The following TRIM33 variants were observed in gnomAD, a reference collection of about 807,000 sequenced individuals.
TRIM33 encodes the protein E3 ubiquitin-protein ligase TRIM33.
In TRIM33, 20 loss-of-function variants were observed where a neutral mutation model predicts 125.4. The ratio of observed to expected loss-of-function variants is 0.16; its 90% CI spans 0.11 to 0.23. TRIM33 has a LOEUF of 0.23. TRIM33 is among the 10% of genes least tolerant of loss of function. The pLI, the probability that TRIM33 is intolerant of heterozygous loss-of-function variation, is 1.00. For missense variants in TRIM33, 920 were observed against 1,411.4 expected (o/e 0.65, Z 5.58); for synonymous variants, 564 against 513.9 (o/e 1.10, Z -1.32).
At position 114,397,731 on chromosome 1, in the gene TRIM33, C is replaced by G; in HGVS notation, c.3301G>C (p.Val1101Leu). ...AAGTCTTCATCAGAGTCCTCAGTTA[C>G]CTCACCATCATCCTCTTCCTGCTCA... is the stretch of plus-strand genomic sequence containing the variant. ...EFEQEEDDGE[V>L]TEDSDEDFIQ... Residue 1101 changes from valine to leucine, a missense_variant, in exon 20 of 20, where the codon GTA (valine) becomes CTA (leucine). Val to Leu is a conservative substitution (Grantham distance 32). Transcript: ENST00000358465. 1 of 1,612,946 alleles carries G rather than the reference C, an allele frequency of 6.2e-7. No individual in the cohort carries two copies. Among genetic ancestry groups the G allele is most frequent in the Non-Finnish European group, 8.5e-7 (1 of 1,179,670 alleles).
intron 1 of TRIM33, among the ~76,000 whole-genome samples, chr1:114,475,648 C>G (rs942015810): frequency 6.6e-6 from 1 of 152,096 alleles, no homozygotes; most frequent in Non-Finnish European, 1.5e-5. Context: ...CGCCACTGCA[C>G]TCCAGCCTGG....
intron 4 of TRIM33, chr1:114,460,091 A>T (rs1396464771): frequency 6.1e-6 from 1 of 163,532 alleles, no homozygotes; most frequent in Non-Finnish European, 1.4e-5. Flanking sequence ...CAAAAGGATG[A>T]TAAATTTCAG....
At chr1:114,419,200 CAAAAAAA>C (rs35757503) in intron 11 of TRIM33, among the ~76,000 whole-genome samples, 22 of 54,328 alleles carry the variant, frequency 4.0e-4, no homozygotes, top group South Asian at 2.5e-3. Context: ...GACACCATCT[CAAAAAAA>C]AAAAAAAAAA....
intron 1 of TRIM33, among the ~76,000 whole-genome samples, chr1:114,501,298 T>C (rs905393204): frequency 6.6e-6 from 1 of 151,918 alleles, no homozygotes; most frequent in African/African-American, 2.4e-5. Flanking sequence ...AGGACTGCAG[T>C]CATCTGAAAG....
intron 4 of TRIM33, among the ~76,000 whole-genome samples, chr1:114,446,750 T>A (rs914423160): frequency 2.0e-5 from 3 of 152,084 alleles, no homozygotes; most frequent in African/African-American, 7.2e-5. Context: ...GATTATACAT[T>A]CCAATTAAAA....
intron 1 of TRIM33, among the ~76,000 whole-genome samples, chr1:114,506,864 G>A (rs1653034460): frequency 1.3e-5 from 2 of 152,070 alleles, no homozygotes; most frequent in African/African-American, 4.8e-5. Context: ...CTCAAAGTGT[G>A]GTGGTACCAC....
chr1:114,426,809 T>C (rs569653289), intron 8 of TRIM33, among the ~76,000 whole-genome samples: 5 of 152,354 alleles, frequency 3.3e-5, no homozygotes, highest in Admixed American at 2.6e-4. Flanking sequence ...TAAAAGTCTG[T>C]TGCTAATGCA....
At chr1:114,450,597 T>C (rs1192128760) in intron 4 of TRIM33, among the ~76,000 whole-genome samples, 2 of 152,180 alleles carry the variant, frequency 1.3e-5, no homozygotes, top group East Asian at 3.9e-4. Flanking sequence ...TTCACCATGT[T>C]GCCCAGGCTG....
chr1:114,447,575 A>G (rs1649063168), intron 4 of TRIM33, among the ~76,000 whole-genome samples: 1 of 152,248 alleles, frequency 6.6e-6, no homozygotes, highest in Non-Finnish European at 1.5e-5. Context: ...ACAATGAGCT[A>G]GAAATATAAA....
At chr1:114,477,292 A>G (rs761707258) in intron 1 of TRIM33, among the ~76,000 whole-genome samples, 4 of 152,132 alleles carry the variant, frequency 2.6e-5, no homozygotes, top group Non-Finnish European at 4.4e-5. Context: ...CCTAAATATG[A>G]AAGAATCATT....
chr1:114,429,266 C>T (rs1234050725), intron 6 of TRIM33, among the ~76,000 whole-genome samples: 1 of 151,986 alleles, frequency 6.6e-6, no homozygotes, highest in African/African-American at 2.4e-5. Context: ...TGCCTCACCG[C>T]AACCTCCACC....
chr1:114,447,865 T>G (rs942399390), intron 4 of TRIM33, among the ~76,000 whole-genome samples: 6 of 152,186 alleles, frequency 3.9e-5, no homozygotes, highest in Non-Finnish European at 1.5e-5. Context: ...AATTTAGTCA[T>G]GTAGTGGTTA....
At chr1:114,436,157 C>G (rs1033715930) in intron 4 of TRIM33, among the ~76,000 whole-genome samples, 1 of 151,472 alleles carries the variant, frequency 6.6e-6, no homozygotes, top group Non-Finnish European at 1.5e-5. Flanking sequence ...AATCCCAGCA[C>G]TTTGGAAGGC....
intron 1 of TRIM33, among the ~76,000 whole-genome samples, chr1:114,477,215 T>C (rs970177998): frequency 6.6e-6 from 1 of 152,010 alleles, no homozygotes; most frequent in African/African-American, 2.4e-5. Context: ...TATAAACAGA[T>C]GTTAAAGTGG....
Position 114,427,811 on chromosome 1 carries a change from C to G in TRIM33, c.1239G>C (p.Met413Ile). The G allele has an allele frequency of 1.2e-6, 2 of 1,613,982 alleles. No individual in the cohort carries two copies. Among genetic ancestry groups the G allele is most frequent in the Non-Finnish European group, 1.7e-6 (2 of 1,179,940 alleles). ...TGLSRQVKHVMNFTNWAIASG... is the reference protein window; with the variant it reads ...TGLSRQVKHVINFTNWAIASG... ...TTGCAATTGCCCAATTTGTGAAGTT[C>G]ATAACATGCTTCACCTGCCGGGAAA... is the stretch of plus-strand genomic sequence containing the variant. Residue 413 changes from methionine to isoleucine, a missense_variant, in exon 7 of 20, where the codon ATG (methionine) becomes ATC (isoleucine). By Grantham distance (10) the Met-to-Ile change is conservative. Coordinates refer to ENST00000358465, the MANE Select transcript of TRIM33 (RefSeq NM_015906.4).
intron 4 of TRIM33, among the ~76,000 whole-genome samples, chr1:114,452,666 CAGG>C (rs1470236964): frequency 6.8e-6 from 1 of 146,334 alleles, no homozygotes; most frequent in Non-Finnish European, 1.5e-5. Flanking sequence ...GAGGCCAAGG[CAGG>C]AGGACTGCTT....
Position 114,407,059 on chromosome 1 carries a change from C to G in TRIM33, c.2300G>C (p.Ser767Thr), listed in dbSNP as rs1652291627. 3.1e-6 allele frequency: 5 copies of G among 1,613,886 alleles called. No homozygotes were observed. Among genetic ancestry groups the G allele is most frequent in the Non-Finnish European group, 4.2e-6 (5 of 1,179,880 alleles). The change falls in exon 14 of 20, where the codon AGT becomes ACT. Residue 767 changes from serine to threonine, a missense_variant. Physicochemically the swap from Ser to Thr is moderately conservative, Grantham distance 58. Around this residue, in one of 8 missense-constraint regions of TRIM33, gnomAD observed 407 missense variants for 589.7 expected, o/e 0.69. Transcript: ENST00000358465. ...GACCTTCACCTGATCAGATTTGAAACTAAGACTTGTCTTCTCAGCAGTTCT... is the reference window on the plus strand; with the variant it reads ...GACCTTCACCTGATCAGATTTGAAAGTAAGACTTGTCTTCTCAGCAGTTCT... ...SGRTAEKTSL[S>T]FKSDQVKVKQ...
Position 114,395,614 on chromosome 1 carries a change from T to C in TRIM33, c.*2034A>G, listed in dbSNP as rs1651500739. On this transcript the variant is annotated 3_prime_UTR_variant, in exon 20 of 20. Transcript: ENST00000358465. ...TACTTACAAACTGAAATCATGGATT[T>C]TGTGAAAAAAGAGGGAAATTGGCAT... is the stretch of plus-strand genomic sequence containing the variant. 1 of 199,158 alleles carries C rather than the reference T, an allele frequency of 5.0e-6. No individual in the cohort carries two copies. The highest frequency in any genetic ancestry group is 1.0e-5 in the Non-Finnish European group (1 of 96,378). The allele number at this position is 199,158 out of a possible 1,614,324, so 12.3% of individuals were successfully genotyped here.
At chr1:114,449,698 T>C (rs1365192714) in intron 4 of TRIM33, among the ~76,000 whole-genome samples, 1 of 152,196 alleles carries the variant, frequency 6.6e-6, no homozygotes, top group South Asian at 2.1e-4. Flanking sequence ...GAGAAATAAA[T>C]ACATTTCTCC....
Sources: allele counts gnomAD v4.1 joint callset (sites outside exome capture counted in the v4.1 genomes callset), GRCh38; gene constraint gnomAD v4.1.1; regional missense constraint gnomAD v4.1.1; transcripts MANE v1.5; gene names NCBI Gene and HGNC (gene_info 2026-07-23, HGNC 2026-07-21).